Variants in CD44 observed in about 807,000 individuals in gnomAD.
CD44 encodes CD44 antigen.
CD44 carries 49 observed loss-of-function variants against 88.8 expected under a neutral mutation model. That is an observed-to-expected ratio of 0.55 (90% CI 0.44 to 0.70). CD44 has a LOEUF of 0.70. CD44 is among the 30% of genes least tolerant of loss of function. CD44 has a pLI of 0.00. For missense variants in CD44, 883 were observed against 913.8 expected, an observed-to-expected ratio of 0.97 and a Z score of 0.43; for synonymous variants, 325 against 312.3, an observed-to-expected ratio of 1.04 and a Z score of -0.43.
chr11:35,152,566 G>A (rs1233618491), intron 1 of CD44, among the ~76,000 whole-genome samples: 1 of 152,196 alleles, frequency 6.6e-6, no homozygotes, highest in Non-Finnish European at 1.5e-5. Context: ...TGGTGTGAAA[G>A]TGTTTTGTGC....
intron 4 of CD44, 110 bp from the exon 5 acceptor site, chr11:35,189,725 G>A (rs758526183): frequency 3.8e-5 from 28 of 730,342 alleles, no homozygotes; most frequent in Non-Finnish European, 5.8e-5. Flanking sequence ...GGATAGATAG[G>A]TGTTTCTCAT....
intron 1 of CD44, among the ~76,000 whole-genome samples, chr11:35,167,365 A>G (rs1441818662): frequency 6.6e-6 from 1 of 152,130 alleles, no homozygotes; most frequent in African/African-American, 2.4e-5. Flanking sequence ...CCTGTGTCAC[A>G]AGAGAAATTG....
At position 35,169,047 on chromosome 11, in the gene CD44, C is replaced by T. The variant is rs181505531; in HGVS notation, c.68-7528C>T. On this transcript the variant is annotated intron_variant, in intron 1 of 17. Coordinates refer to ENST00000428726, the MANE Select transcript of CD44 (RefSeq NM_000610.4). ...TTTTAAGTATCCAATAAGGAATTCT[C>T]AGCAAACACCAGCTGGTGATTCCTC... is the stretch of plus-strand genomic sequence containing the variant. Among the ~76,000 whole-genome samples, 4 of 152,284 alleles carry T rather than the reference C, an allele frequency of 2.6e-5. No homozygotes were observed. The East Asian group carries it at 7.7e-4, about 29-fold the overall frequency.
intron 1 of CD44, among the ~76,000 whole-genome samples, chr11:35,155,300 G>T (rs1413492079): frequency 6.6e-6 from 1 of 152,182 alleles, no homozygotes; most frequent in Non-Finnish European, 1.5e-5. Flanking sequence ...TTGCACTTCA[G>T]GTAGAATAGA....
chr11:35,192,352 G>A (rs1281874992), intron 5 of CD44, among the ~76,000 whole-genome samples: 1 of 152,198 alleles, frequency 6.6e-6, no homozygotes, highest in East Asian at 1.9e-4. Context: ...GGCATGCCAG[G>A]AAAAGTCAGC....
intron 2 of CD44, 110 bp from the exon 3 acceptor site, chr11:35,180,164 A>G (rs1038589240): frequency 1.9e-6 from 2 of 1,075,236 alleles, no homozygotes. Flanking sequence ...CGATATCCCT[A>G]GGGGTGAACT....
intron 3 of CD44, among the ~76,000 whole-genome samples, chr11:35,181,934 A>ATTATATTATATAGATAGAATATATAG (rs1491126504): frequency 1.5e-5 from 1 of 66,050 alleles, no homozygotes; most frequent in Non-Finnish European, 2.8e-5. Context: ...TATTATATAT[A>ATTATATTATATAGATAGAATATATAG]AATTATATAT....
intron 5 of CD44, among the ~76,000 whole-genome samples, chr11:35,192,081 G>A (rs910701932): frequency 5.3e-5 from 8 of 152,188 alleles, no homozygotes; most frequent in African/African-American, 1.9e-4. Context: ...GAGTGTTTAT[G>A]AGATTTAACT....
chr11:35,190,261 C>T, intron 5 of CD44, 196 bp downstream of exon 5: 1 of 598,218 alleles, frequency 1.7e-6, no homozygotes. Context: ...TACCTTTTTT[C>T]CTCATCTATA....
intron 11 of CD44, among the ~76,000 whole-genome samples, chr11:35,206,672 G>GGT (rs1554971952): frequency 6.6e-6 from 1 of 150,872 alleles, no homozygotes; most frequent in East Asian, 2.2e-4. Flanking sequence ...GGGTTGGTGG[G>GGT]GGGGGCAGTT....
intron 1 of CD44, among the ~76,000 whole-genome samples, chr11:35,156,939 T>G (rs1941944081): frequency 6.6e-6 from 1 of 152,086 alleles, no homozygotes; most frequent in Non-Finnish European, 1.5e-5. Context: ...GAGGCTGAGG[T>G]GGGAGGAGTG....
At chr11:35,202,602 C>T (rs1947420133) in intron 9 of CD44, among the ~76,000 whole-genome samples, 1 of 152,148 alleles carries the variant, frequency 6.6e-6, no homozygotes, top group African/African-American at 2.4e-5. Flanking sequence ...GCCCTAGATA[C>T]ACCTAATGGG....
intron 1 of CD44, among the ~76,000 whole-genome samples, chr11:35,160,847 G>T (rs1326252083): frequency 6.6e-6 from 1 of 152,208 alleles, no homozygotes; most frequent in Non-Finnish European, 1.5e-5. Flanking sequence ...ACCCACTTTG[G>T]TTATATGGGT....
rs551203808 is a variant in CD44, at chr11:35,177,437, G to A, written c.233+697G>A. 5.8e-4 allele frequency among the ~76,000 whole-genome samples: 88 copies of A among 152,292 alleles called. 1 individual carries two copies. Among genetic ancestry groups the A allele is most frequent in the Admixed American group, 2.2e-3 (34 of 15,304 alleles). On this transcript the variant is annotated intron_variant, in intron 2 of 17. Transcript: ENST00000428726. ...GCGGTGCACAAGAAGAGCAAGCCAC[G>A]GTGGCAATCACAGTGAATTGTTGTG...
At chr11:35,156,713 CTG>C (rs1433493920) in intron 1 of CD44, among the ~76,000 whole-genome samples, 1 of 152,202 alleles carries the variant, frequency 6.6e-6, no homozygotes, top group Non-Finnish European at 1.5e-5. Flanking sequence ...CCTCATGTGT[CTG>C]TTACATTTAT....
intron 9 of CD44, among the ~76,000 whole-genome samples, chr11:35,202,523 T>A (rs1311679123): frequency 1.3e-5 from 2 of 152,208 alleles, no homozygotes; most frequent in Non-Finnish European, 2.9e-5. Context: ...TTATTTGGAA[T>A]AAAAGTATTT....
intron 1 of CD44, among the ~76,000 whole-genome samples, chr11:35,157,494 A>G (rs921700461): frequency 6.6e-6 from 1 of 151,904 alleles, no homozygotes; most frequent in Admixed American, 6.5e-5. Flanking sequence ...TCTATCTCTT[A>G]ATTGTCTCTA....
rs143259726 is a variant in CD44, at chr11:35,153,625, G to A, written c.67+14255G>A. 1.1e-4 allele frequency among the ~76,000 whole-genome samples: 16 copies of A among 152,326 alleles called. No individual in the cohort carries two copies. The East Asian group carries it at 2.7e-3, about 26-fold the overall frequency. On this transcript the variant is annotated intron_variant, in intron 1 of 17. Coordinates refer to ENST00000428726, the MANE Select transcript of CD44 (RefSeq NM_000610.4). Reference sequence around the variant, plus strand: ...TACCACTGTAGACAAGAGAGGCATAGTCTCCTCTCTCCTGGAACTTACAGT... The same window carrying A: ...TACCACTGTAGACAAGAGAGGCATAATCTCCTCTCTCCTGGAACTTACAGT...
chr11:35,202,746 T>C (rs1318228533), intron 9 of CD44, among the ~76,000 whole-genome samples: 1 of 152,152 alleles, frequency 6.6e-6, no homozygotes, highest in African/African-American at 2.4e-5. Context: ...GTACTGAATA[T>C]ATCCAGCAGA....
Sources: allele counts gnomAD v4.1 joint callset (sites outside exome capture counted in the v4.1 genomes callset), GRCh38; gene constraint gnomAD v4.1.1; transcripts MANE v1.5; gene names NCBI Gene and HGNC (gene_info 2026-07-23, HGNC 2026-07-21).